Variants in TAB3 observed in about 807,000 individuals in gnomAD.
TAB3 encodes TGF-beta-activated kinase 1 and MAP3K7-binding protein 3.
A neutral mutation model predicts 48.1 loss-of-function variants in TAB3; 18 were observed. That is an observed-to-expected ratio of 0.37 (90% CI 0.26 to 0.55). The LOEUF is 0.55. Among genes scored for constraint, TAB3 ranks in the 20% least tolerant of loss-of-function variants. TAB3 has a pLI of 0.78. For missense variants in TAB3, 414 were observed against 549.8 expected (o/e 0.75, Z 2.47); for synonymous variants, 185 against 190.2 (o/e 0.97, Z 0.22).
At chrX:30,837,163 C>T (rs1020939649) in intron 9 of TAB3, among the ~76,000 whole-genome samples, 8 of 106,806 alleles carry the variant, frequency 7.5e-5, no homozygotes, top group African/African-American at 1.7e-4. Context: ...ATTCTTCTGC[C>T]GCAGCCTCCC....
chrX:30,837,081 C>T (rs1938257698), intron 9 of TAB3, among the ~76,000 whole-genome samples: 2 of 84,661 alleles, frequency 2.4e-5, no homozygotes, highest in African/African-American at 4.5e-5. Flanking sequence ...CAGCATCTTG[C>T]TCTGTCACCC....
chrX:30,846,223 T>G, intron 8 of TAB3: 1 of 346,689 alleles, frequency 2.9e-6, no homozygotes, highest in Non-Finnish European at 4.4e-6. Flanking sequence ...TTTAGATGTC[T>G]ATCACATAAT....
At position 30,859,670 on chromosome X, in the gene TAB3, A is replaced by C; in HGVS notation, c.-82T>G. On this transcript the variant is annotated 5_prime_UTR_variant, in exon 5 of 11. Coordinates refer to ENST00000288422, the MANE Select transcript of TAB3 (RefSeq NM_152787.5). ...AAAAGTAATGATCTTCTAGCACCACAGTCATTTTCTATTTAAAAAAAAAAA... is the reference window on the plus strand; with the variant it reads ...AAAAGTAATGATCTTCTAGCACCACCGTCATTTTCTATTTAAAAAAAAAAA... 1.7e-6 allele frequency: 1 copy of C among 579,023 alleles called. No homozygotes were observed. Among genetic ancestry groups the C allele is most frequent in the South Asian group, 3.1e-5 (1 of 32,155 alleles). 47.7% of individuals were successfully genotyped at this position (579,023 alleles called of 1,213,427 possible). A position where few individuals can be genotyped will look rare whatever the true frequency, so the allele number is the denominator to read the frequency against.
intron 7 of TAB3, among the ~76,000 whole-genome samples, chrX:30,847,071 T>C (rs1246003269): frequency 9.0e-6 from 1 of 111,506 alleles, no homozygotes; most frequent in Non-Finnish European, 1.9e-5. Context: ...CAGAATTCTC[T>C]CATTCCTTCT....
chrX:30,868,504 ATATATATATAGCT>A (rs1168802735), intron 2 of TAB3, among the ~76,000 whole-genome samples: 402 of 7,064 alleles, frequency 0.057, 74 homozygotes, highest in Middle Eastern at 0.11. Flanking sequence ...TAGCTTATAT[ATATATATATAGCT>A]TATATATATA....
intron 8 of TAB3, chrX:30,844,868 C>G (rs1267562461): frequency 8.9e-6 from 1 of 112,808 alleles, no homozygotes; most frequent in Non-Finnish European, 1.9e-5. Flanking sequence ...GTTGCCTAGG[C>G]TAGAGTGCAG....
chrX:30,856,193 C>T (rs1347737366), intron 5 of TAB3, among the ~76,000 whole-genome samples: 1 of 111,548 alleles, frequency 9.0e-6, no homozygotes, highest in East Asian at 2.8e-4. Flanking sequence ...AAAAAAAGTC[C>T]ATAACTTGAA....
intron 1 of TAB3, among the ~76,000 whole-genome samples, chrX:30,888,249 G>C (rs903375913): frequency 8.9e-6 from 1 of 112,556 alleles, no homozygotes; most frequent in African/African-American, 3.2e-5. Flanking sequence ...TTAGAAACCA[G>C]AAGTAAATAT....
chrX:30,873,504 G>C (rs1392311473), intron 1 of TAB3, among the ~76,000 whole-genome samples: 12 of 98,435 alleles, frequency 1.2e-4, no homozygotes, highest in African/African-American at 4.6e-4. Context: ...CCGCCTGGGC[G>C]ACAGAACGAG....
intron 1 of TAB3, among the ~76,000 whole-genome samples, chrX:30,885,940 T>C (rs1212786398): frequency 9.0e-6 from 1 of 111,414 alleles, no homozygotes. Flanking sequence ...AAGACTTCAG[T>C]GTCAATGGAA....
At chrX:30,855,610 C>T in intron 5 of TAB3, 48 bp from the exon 6 acceptor site, 2 of 1,098,603 alleles carry the variant, frequency 1.8e-6, no homozygotes, top group Non-Finnish European at 2.4e-6. Context: ...TTAACAAATT[C>T]TAATAGTGGA....
chrX:30,833,994 T>C, intron 10 of TAB3, 57 bp downstream of exon 10: 1 of 1,038,980 alleles, frequency 9.6e-7, no homozygotes, highest in Middle Eastern at 2.5e-4. Context: ...TAATTCTACA[T>C]GGATTAACAT....
intron 8 of TAB3, chrX:30,844,837 T>G (rs1938569075): frequency 8.9e-6 from 1 of 112,560 alleles, no homozygotes; most frequent in South Asian, 3.7e-4. Flanking sequence ...GCTCTTTGTT[T>G]TTTAGACCGA....
At chrX:30,868,472 ATATATAGCT>A (rs1939525884) in intron 2 of TAB3, among the ~76,000 whole-genome samples, 1 of 36,590 alleles carries the variant, frequency 2.7e-5, no homozygotes, top group African/African-American at 1.5e-4. Flanking sequence ...TATAGCTTAT[ATATATAGCT>A]TATATATATA....
intron 9 of TAB3, chrX:30,835,768 CTT>C (rs1201107333): frequency 8.9e-6 from 1 of 112,539 alleles, no homozygotes; most frequent in Non-Finnish European, 1.9e-5. Context: ...TTCTCTGTCT[CTT>C]TCTCTCTCTT....
At chrX:30,868,613 A>AGAGAGAGAGAGG (rs1285197108) in intron 2 of TAB3, among the ~76,000 whole-genome samples, 1 of 68,018 alleles carries the variant, frequency 1.5e-5, no homozygotes, top group African/African-American at 7.5e-5. Context: ...AGAGAGAGAG[A>AGAGAGAGAGAGG]GAGAGCGCGT....
At chrX:30,844,255 A>G in intron 8 of TAB3, 1 of 112,069 alleles carries the variant, frequency 8.9e-6, no homozygotes, top group Non-Finnish European at 1.9e-5. Flanking sequence ...AAGTATCCCA[A>G]AGAGCTCATT....
At chrX:30,861,470 A>G (rs1456028475) in intron 4 of TAB3, among the ~76,000 whole-genome samples, 2 of 111,247 alleles carry the variant, frequency 1.8e-5, no homozygotes, top group African/African-American at 6.5e-5. Context: ...ATCAATGGGT[A>G]TATTTTTCCA....
intron 4 of TAB3, among the ~76,000 whole-genome samples, chrX:30,864,355 A>G (rs928268590): frequency 2.7e-5 from 3 of 112,470 alleles, no homozygotes; most frequent in Admixed American, 1.9e-4. Context: ...CTTTTCTTAA[A>G]GGCAAGACAG....
Sources: gnomAD v4.1 joint callset for allele counts (sites outside exome capture counted in the v4.1 genomes callset) on GRCh38, gnomAD v4.1.1 for gene constraint, MANE v1.5 for transcripts, NCBI Gene and HGNC (gene_info 2026-07-23, HGNC 2026-07-21) for gene names.